The following MORC3 variants were observed in gnomAD, a reference collection of about 807,000 sequenced individuals.
The protein encoded by MORC3 is MORC family CW-type zinc finger 3.
A neutral mutation model predicts 109.1 loss-of-function variants in MORC3; 31 were observed. That is an observed-to-expected ratio of 0.28 (90% confidence interval 0.21 to 0.38). The LOEUF is 0.38. Ranked by LOEUF, MORC3 falls within the 10% of genes least tolerant of loss-of-function variation. The probability of loss-of-function intolerance (pLI) is 1.00; values close to 1 mark genes in which losing one functional copy is unlikely to be tolerated. For missense variants in MORC3, 867 were observed against 1,135.8 expected, an observed-to-expected ratio of 0.76 and a Z score of 3.40; for synonymous variants, 395 against 380.7, an observed-to-expected ratio of 1.04 and a Z score of -0.44.
At chr21:36,351,302 G>T (rs1347960248) in intron 9 of MORC3, among the ~76,000 whole-genome samples, 1 of 152,034 alleles carries the variant, frequency 6.6e-6, no homozygotes, top group Non-Finnish European at 1.5e-5. Flanking sequence ...TGTTGACCTT[G>T]TGATCCACCC....
In MORC3 at chr21:36,369,388, G is replaced by A. The variant is rs1424521965; in HGVS notation, c.2020G>A (p.Ala674Thr). ...DAVILPSCVE[A>T]EAKIHETQET... is the part of the protein sequence containing the mutation. ...AGTGATTCTGCCCTCCTGTGTAGAAGCTGAAGCAAAGATACATGAAACCCA... is the reference window on the plus strand; with the variant it reads ...AGTGATTCTGCCCTCCTGTGTAGAAACTGAAGCAAAGATACATGAAACCCA... Residue 674 changes from alanine (A) to threonine (T), a missense_variant, in exon 15 of 17, where the codon GCT becomes ACT. By Grantham distance (58) the Ala-to-Thr change is moderately conservative. This residue lies in a region of MORC3 where 486 missense variants were observed against 502.1 expected (regional missense o/e 0.97). Coordinates refer to ENST00000400485, the MANE Select transcript of MORC3 (RefSeq NM_015358.3). The A allele has an allele frequency of 1.2e-6, 2 of 1,614,048 alleles. No homozygotes were observed. Among genetic ancestry groups the A allele is most frequent in the Non-Finnish European group, 1.7e-6 (2 of 1,180,038 alleles).
chr21:36,369,197 T>A lies in MORC3; in HGVS notation c.1829T>A (p.Val610Asp), dbSNP rs1275018929. 2 of 1,614,034 alleles carry A rather than the reference T, an allele frequency of 1.2e-6. No homozygotes were observed. The highest frequency in any genetic ancestry group is 2.7e-5 in the African/African-American group (2 of 74,926). ...QSHVEQGGVQVEFVGDSEPCG... is the reference protein window; with the variant it reads ...QSHVEQGGVQDEFVGDSEPCG... ...CACGTTGAGCAAGGTGGTGTTCAGG[T>A]TGAGTTTGTGGGTGACAGTGAACCT... is the stretch of plus-strand genomic sequence containing the variant. The change falls in exon 15 of 17, where the codon GTT becomes GAT. Residue 610 changes from valine (V) to aspartate (D), a missense_variant. Physicochemically the swap from Val to Asp is radical, Grantham distance 152. This residue lies in a region of MORC3 where 486 missense variants were observed against 502.1 expected (regional missense o/e 0.97). Coordinates refer to ENST00000400485, the MANE Select transcript of MORC3 (RefSeq NM_015358.3).
chr21:36,326,609 A>G (rs1407459115), intron 1 of MORC3, among the ~76,000 whole-genome samples: 1 of 152,122 alleles, frequency 6.6e-6, no homozygotes, highest in Non-Finnish European at 1.5e-5. Flanking sequence ...AGTTTTAGGA[A>G]TCCACTGAGG....
intron 8 of MORC3, among the ~76,000 whole-genome samples, chr21:36,348,668 CA>C (rs1363794127): frequency 6.6e-6 from 1 of 152,194 alleles, no homozygotes; most frequent in East Asian, 1.9e-4. Flanking sequence ...CTCGGCTTCC[CA>C]AAGTGTTGGG....
intron 9 of MORC3, among the ~76,000 whole-genome samples, chr21:36,351,573 TC>T (rs139951630): frequency 0.026 from 4,010 of 152,304 alleles, 164 homozygotes; most frequent in African/African-American, 0.088. Context: ...TGTAATGTCC[TC>T]CAGGTATATC....
intron 6 of MORC3, among the ~76,000 whole-genome samples, chr21:36,342,169 G>C (rs905617513): frequency 1.3e-5 from 2 of 151,996 alleles, no homozygotes; most frequent in African/African-American, 2.4e-5. Flanking sequence ...GGGGCAGTGC[G>C]GTTCACGGAG....
intron 10 of MORC3, among the ~76,000 whole-genome samples, chr21:36,359,697 G>GTGT (rs2085691356): frequency 6.6e-6 from 1 of 151,408 alleles, no homozygotes; most frequent in African/African-American, 2.4e-5. Flanking sequence ...GGGACCACAG[G>GTGT]TGTGCATTAC....
At chr21:36,341,046 C>T (rs2085440008) in intron 5 of MORC3, among the ~76,000 whole-genome samples, 1 of 152,184 alleles carries the variant, frequency 6.6e-6, no homozygotes, top group African/African-American at 2.4e-5. Context: ...ACAAATAAAG[C>T]TGTAAACATT....
At chr21:36,354,582 C>T (rs981199754) in intron 9 of MORC3, among the ~76,000 whole-genome samples, 14 of 152,114 alleles carry the variant, frequency 9.2e-5, no homozygotes, top group African/African-American at 3.4e-4. Flanking sequence ...GGATTACAGG[C>T]GTGAGCCACC....
chr21:36,355,942 C>T (rs1261084053), intron 9 of MORC3, among the ~76,000 whole-genome samples: 4 of 152,102 alleles, frequency 2.6e-5, no homozygotes, highest in Non-Finnish European at 4.4e-5. Flanking sequence ...AGTGGCAGTT[C>T]GTGTGGGTCC....
chr21:36,320,247 C>T lies in MORC3; in HGVS notation c.-18C>T, dbSNP rs944705120. The T allele has an allele frequency of 3.2e-6, 5 of 1,575,288 alleles. No homozygotes were observed. The highest frequency in any genetic ancestry group is 3.7e-5 in the Admixed American group (2 of 54,384). ...GGGTTGCGGCGGAGGCCGTTCCTGGCTTTGTAGCTCGCTCAAGATGGCGGC... is the reference window on the plus strand; with the variant it reads ...GGGTTGCGGCGGAGGCCGTTCCTGGTTTTGTAGCTCGCTCAAGATGGCGGC... On this transcript the variant is annotated 5_prime_UTR_variant, in exon 1 of 17. Coordinates refer to ENST00000400485, the MANE Select transcript of MORC3 (RefSeq NM_015358.3).
chr21:36,338,383 G>A (rs996069544), intron 4 of MORC3, among the ~76,000 whole-genome samples: 2 of 152,010 alleles, frequency 1.3e-5, no homozygotes, highest in Admixed American at 6.6e-5. Flanking sequence ...AAATCAAACT[G>A]CCATGTTAAA....
In MORC3 at chr21:36,373,676, T is replaced by A. The variant is rs548122324; in HGVS notation, c.2666+1145T>A. 6.8e-4 allele frequency among the ~76,000 whole-genome samples: 102 copies of A among 151,080 alleles called. 1 individual carries two copies. Among genetic ancestry groups the A allele is most frequent in the African/African-American group, 2.4e-3 (99 of 41,206 alleles). On this transcript the variant is annotated intron_variant, in intron 16 of 16. Coordinates refer to ENST00000400485, the MANE Select transcript of MORC3 (RefSeq NM_015358.3). The stretch of plus-strand genomic sequence containing the variant: ...GATTAAAGTATTATCAAAGGTCTAG[T>A]GGACTCTTACCATAAAAGCTCACAA...
At chr21:36,351,489 A>C (rs1170937663) in intron 9 of MORC3, among the ~76,000 whole-genome samples, 1 of 152,114 alleles carries the variant, frequency 6.6e-6, no homozygotes, top group Non-Finnish European at 1.5e-5. Context: ...TCCTGAGGGC[A>C]GTATTTTTTA....
intron 8 of MORC3, among the ~76,000 whole-genome samples, chr21:36,348,966 C>A (rs1197818432): frequency 1.3e-5 from 2 of 151,764 alleles, no homozygotes; most frequent in African/African-American, 4.8e-5. Flanking sequence ...TGGAGACTAG[C>A]CATGGTGAAA....
intron 1 of MORC3, among the ~76,000 whole-genome samples, chr21:36,327,985 C>G (rs908124015): frequency 5.3e-5 from 8 of 151,578 alleles, no homozygotes; most frequent in Non-Finnish European, 1.0e-4. Context: ...CAAGTGATTG[C>G]CATGCCTCAG....
At chr21:36,344,456 C>T in intron 6 of MORC3, 123 bp from the exon 7 acceptor site, 1 of 1,133,658 alleles carries the variant, frequency 8.8e-7, no homozygotes, top group Non-Finnish European at 1.2e-6. Flanking sequence ...GCTTTATAGC[C>T]TATTTTATTG....
At chr21:36,345,704 G>T (rs902386182) in intron 8 of MORC3, among the ~76,000 whole-genome samples, 1 of 152,168 alleles carries the variant, frequency 6.6e-6, no homozygotes, top group Non-Finnish European at 1.5e-5. Flanking sequence ...ACAAGCGTGT[G>T]CCACCGCACT....
rs1000680938 is a variant in MORC3, at chr21:36,344,713, C to A, written c.885+6C>A. ...TTTATCGACCAAAATTTTTAGTATC[C>A]TTTTTCTGATTCCTTATAGAGATAT... On this transcript the variant is annotated splice_donor_region_variant and intron_variant, in intron 7 of 16. Coordinates refer to ENST00000400485, the MANE Select transcript of MORC3 (RefSeq NM_015358.3). 1 of 1,613,144 alleles carries A rather than the reference C, an allele frequency of 6.2e-7. No homozygotes were observed. The highest frequency in any genetic ancestry group is 2.2e-5 in the East Asian group (1 of 44,826).
Sources: allele counts gnomAD v4.1 joint callset (sites outside exome capture counted in the v4.1 genomes callset), GRCh38; gene constraint gnomAD v4.1.1; regional missense constraint gnomAD v4.1.1; transcripts MANE v1.5; gene names NCBI Gene and HGNC (gene_info 2026-07-23, HGNC 2026-07-21).